Variants in CD163L1 observed in about 807,000 individuals in gnomAD.
CD163L1 encodes scavenger receptor cysteine-rich type 1 protein M160.
In CD163L1, 124 loss-of-function variants were observed where a neutral mutation model predicts 165.4. That is an observed-to-expected ratio of 0.75 (90% confidence interval 0.65 to 0.87). The LOEUF is 0.87. Among genes scored for constraint, CD163L1 ranks in the 40% least tolerant of loss-of-function variants. The pLI, the probability that CD163L1 is intolerant of heterozygous loss-of-function variation, is 0.00. For missense variants in CD163L1, 1,525 were observed against 1,799.9 expected, an observed-to-expected ratio of 0.85 and a Z score of 2.76; for synonymous variants, 585 against 662.2, an observed-to-expected ratio of 0.88 and a Z score of 1.79.
Position 7,375,777 on chromosome 12 carries a change from TGA to T in CD163L1, c.2607_2608del (p.His870ProfsTer40), listed in dbSNP as rs1444671224. 2 of 1,614,208 alleles carry T rather than the reference TGA, an allele frequency of 1.2e-6. No homozygotes were observed. The highest frequency in any genetic ancestry group is 1.7e-6 in the Non-Finnish European group (2 of 1,180,032). ...TTGAACAATGGGGCATAATGCAAGGTGAGTTTCACTCCCTTCACACTGGAACT... is the reference window on the plus strand; with the variant it reads ...TTGAACAATGGGGCATAATGCAAGGTGTTTCACTCCCTTCACACTGGAACT... On this transcript the variant is annotated frameshift_variant, in exon 10 of 20. Transcript: ENST00000313599. LOFTEE classifies it high-confidence loss of function.
chr12:7,440,095 C>G (rs2136653396), intron 2 of CD163L1: 1 of 910,098 alleles, frequency 1.1e-6, no homozygotes, highest in Admixed American at 2.1e-5. Context: ...GTAACGGAAG[C>G]CGACCAATGG....
intron 9 of CD163L1, among the ~76,000 whole-genome samples, chr12:7,376,863 T>G (rs1947281302): frequency 1.3e-5 from 2 of 152,202 alleles, no homozygotes. Context: ...GATTCCCTGT[T>G]TCTATAATTA....
At chr12:7,332,059 T>C in the CD163L1 span, among the ~76,000 whole-genome samples, 6 of 152,012 alleles carry the variant, frequency 3.9e-5, 1 homozygote, top group South Asian at 2.1e-4. Context: ...AATGGATAAC[T>C]AGAATAACCA....
At chr12:7,324,443 G>A in the CD163L1 span, 1 of 1,613,970 alleles carries the variant, frequency 6.2e-7, no homozygotes. Flanking sequence ...ATTCGACAGG[G>A]AGGGAGATCT....
intron 4 of CD163L1, among the ~76,000 whole-genome samples, chr12:7,416,116 T>G (rs1030118089): frequency 3.9e-5 from 6 of 152,246 alleles, no homozygotes; most frequent in African/African-American, 1.4e-4. Context: ...ATGATCAACA[T>G]TCTAACTAGC....
chr12:7,405,642 A>C (rs972048444), intron 5 of CD163L1, among the ~76,000 whole-genome samples: 1 of 152,196 alleles, frequency 6.6e-6, no homozygotes, highest in African/African-American at 2.4e-5. Flanking sequence ...CTCTAGACTT[A>C]AGAAAAACTC....
chr12:7,320,805 G>A, the CD163L1 span: 1 of 1,609,834 alleles, frequency 6.2e-7, no homozygotes, highest in African/African-American at 1.3e-5. Context: ...ACCTTAAGAG[G>A]TACTTGGGCA....
rs548673691 is a variant in CD163L1, at chr12:7,389,118, C to T, written c.2050+6977G>A. ...TTGATTTCCTTTTTGGGGGTATATA[C>T]CCAGCAATAGGATTGCTGAATCACA... is the stretch of plus-strand genomic sequence containing the variant. On this transcript the variant is annotated intron_variant, in intron 8 of 19. Transcript: ENST00000313599. 4.5e-4 allele frequency among the ~76,000 whole-genome samples: 69 copies of T among 152,256 alleles called. 1 individual carries two copies. The South Asian group carries it at 5.8e-3, about 13-fold the overall frequency.
chr12:7,322,303 T>TAG, the CD163L1 span: 1 of 1,427,574 alleles, frequency 7.0e-7, no homozygotes, highest in South Asian at 1.2e-5. Context: ...TGAATGAACT[T>TAG]TGCTAAGACT....
chr12:7,396,349 T>C lies in CD163L1; in HGVS notation c.1796A>G (p.Tyr599Cys). The C allele has an allele frequency of 6.2e-7, 1 of 1,613,932 alleles. No homozygotes were observed. The highest frequency in any genetic ancestry group is 1.1e-5 in the South Asian group (1 of 91,068). ...SNRCSGRLEV[Y>C]FQGRWGTVCD... ...CACTGTGCCCCACCGTCCTTGAAAG[T>C]ACACCTCCAGTCTTCCCGAGCAGCG... Residue 599 changes from tyrosine to cysteine, a missense_variant, in exon 8 of 20, where the codon TAC becomes TGC. Physicochemically the swap from Tyr to Cys is radical, Grantham distance 194. Transcript: ENST00000313599.
At chr12:7,414,304 TA>T (rs917098591) in intron 4 of CD163L1, among the ~76,000 whole-genome samples, 161 of 151,294 alleles carry the variant, frequency 1.1e-3, no homozygotes, top group African/African-American at 3.5e-3. Context: ...AATTTTGGAG[TA>T]AAAAAAATAC....
At chr12:7,331,929 G>T in the CD163L1 span, among the ~76,000 whole-genome samples, 7 of 152,240 alleles carry the variant, frequency 4.6e-5, no homozygotes, top group Admixed American at 3.3e-4. Context: ...CAAAGCTGGA[G>T]GGAGAATGAC....
intron 18 of CD163L1, among the ~76,000 whole-genome samples, chr12:7,364,257 C>G (rs1946965363): frequency 6.6e-6 from 1 of 151,998 alleles, no homozygotes; most frequent in African/African-American, 2.4e-5. Flanking sequence ...AATGAAAAGC[C>G]TCAACATACT....
chr12:7,439,891 A>G (rs1591976864), intron 2 of CD163L1: 1 of 1,603,016 alleles, frequency 6.2e-7, no homozygotes, highest in Non-Finnish European at 8.5e-7. Context: ...CCCGCCCACT[A>G]CTCCAACTCC....
rs1948653573 is a variant in CD163L1 at position 7,432,877 on chromosome 12, AG to A, written c.446-142del. On this transcript the variant is annotated intron_variant, in intron 3 of 19. Coordinates refer to ENST00000313599, the MANE Select transcript of CD163L1 (RefSeq NM_174941.6). The surrounding 1 kb of genome is among the most constrained non-coding windows in gnomAD (Gnocchi z 4.2). The stretch of plus-strand genomic sequence containing the variant: ...AAAAATAACTGAAAATACTTATAGG[AG>A]GGGTATGTGAGGCTTTTTTCTAAAC... The A allele has an allele frequency of 5.8e-6, 4 of 694,048 alleles. No homozygotes were observed. The East Asian group carries it at 1.1e-4, about 20-fold the overall frequency. 43.0% of individuals were successfully genotyped at this position (694,048 alleles called of 1,614,324 possible).
Position 7,432,682 on chromosome 12 carries a change from C to G in CD163L1, c.500G>C (p.Arg167Thr), listed in dbSNP as rs756020960. Residue 167 changes from arginine to threonine, a missense_variant, in exon 4 of 20, where the codon AGA (arginine) becomes ACA (threonine). Coordinates refer to ENST00000313599, the MANE Select transcript of CD163L1 (RefSeq NM_174941.6). The surrounding 1 kb of genome is among the most constrained non-coding windows in gnomAD (Gnocchi z 4.2). ...CCTTTCTTGGAATTTCACCTCCACT[C>G]TCCCTGAACAGGAGTTGTTTCCATC... ...LVDGNNSCSG[R>T]VEVKFQERWG... 1 of 1,613,878 alleles carries G rather than the reference C, an allele frequency of 6.2e-7. No individual in the cohort carries two copies. The highest frequency in any genetic ancestry group is 1.3e-5 in the African/African-American group (1 of 74,908).
chr12:7,443,465 T>G (rs1269130316), intron 1 of CD163L1, among the ~76,000 whole-genome samples: 1 of 152,238 alleles, frequency 6.6e-6, no homozygotes, highest in African/African-American at 2.4e-5. Flanking sequence ...TGTGAAAGAC[T>G]TCTTAGCCAT....
In CD163L1 at chr12:7,403,519, G is replaced by C; in HGVS notation, c.1408+16C>G. On this transcript the variant is annotated intron_variant, in intron 6 of 19. Transcript: ENST00000313599. ...AAAATTCAAATGTGTACACTCTCAT[G>C]ATCTTTGAACCTTACCAGAACAAAT... The C allele has an allele frequency of 9.4e-6, 15 of 1,598,274 alleles. No individual in the cohort carries two copies. The highest frequency in any genetic ancestry group is 1.1e-5 in the Non-Finnish European group (13 of 1,171,922).
intron 4 of CD163L1, among the ~76,000 whole-genome samples, chr12:7,422,831 A>G (rs1390393373): frequency 6.6e-6 from 1 of 151,264 alleles, no homozygotes; most frequent in Non-Finnish European, 1.5e-5. Flanking sequence ...TCATAAAACC[A>G]GTTCTTTAAG....
Sources: allele counts gnomAD v4.1 joint callset (sites outside exome capture counted in the v4.1 genomes callset), GRCh38; gene constraint gnomAD v4.1.1; non-coding constraint Gnocchi (gnomAD v3.1); transcripts MANE v1.5; gene names NCBI Gene and HGNC (gene_info 2026-07-23, HGNC 2026-07-21).